PCSK9: variants seen among roughly 807,000 people sequenced by gnomAD.
PCSK9 encodes the protein convertase subtilisin/kexin type 9 preproprotein.
PCSK9 carries 57 observed loss-of-function variants against 62.1 expected under a neutral mutation model. That is an observed-to-expected ratio of 0.92 (90% CI 0.74 to 1.14). The LOEUF (loss-of-function observed/expected upper bound fraction) is 1.14, where lower values mean the gene tolerates loss of function less well. Ranked by LOEUF, PCSK9 falls within the 50% of genes most tolerant of loss-of-function variation. The pLI, the probability that PCSK9 is intolerant of heterozygous loss-of-function variation, is 0.00. For missense variants in PCSK9, 870 were observed against 959.8 expected, an observed-to-expected ratio of 0.91 and a Z score of 1.24; for synonymous variants, 387 against 409.4, an observed-to-expected ratio of 0.95 and a Z score of 0.66.
intron 5 of PCSK9, 107 bp downstream of exon 5, chr1:55,052,898 G>A (rs1644686891): frequency 1.9e-6 from 3 of 1,553,110 alleles, no homozygotes; most frequent in Middle Eastern, 4.1e-4. Flanking sequence ...AGAATGCTGT[G>A]GCAGCCTCTG....
At chr1:55,058,801 G>C (rs1056202475) in intron 9 of PCSK9, among the ~76,000 whole-genome samples, 154 bp downstream of exon 9, 1 of 152,124 alleles carries the variant, frequency 6.6e-6, no homozygotes, top group Non-Finnish European at 1.5e-5. Context: ...GGGCTGGCCA[G>C]ACCAGGAGTG....
At chr1:55,042,193 G>A (rs913066795) in intron 1 of PCSK9, among the ~76,000 whole-genome samples, 2 of 152,038 alleles carry the variant, frequency 1.3e-5, no homozygotes, top group Non-Finnish European at 2.9e-5. Context: ...CAGTGGATCC[G>A]AGGAGGTGAT....
chr1:55,041,037 C>G (rs1644595149), intron 1 of PCSK9, among the ~76,000 whole-genome samples: 1 of 152,232 alleles, frequency 6.6e-6, no homozygotes, highest in Non-Finnish European at 1.5e-5. Flanking sequence ...GTCACTTATC[C>G]TTGAGCCTCC....
At chr1:55,047,229 G>A (rs746870857) in intron 3 of PCSK9, among the ~76,000 whole-genome samples, 1 of 152,200 alleles carries the variant, frequency 6.6e-6, no homozygotes, top group African/African-American at 2.4e-5. Flanking sequence ...CATGGAAAAC[G>A]GTCTGCATTC....
In PCSK9 at chr1:55,047,847, C is replaced by T. The variant is rs1321276251; in HGVS notation, c.523+1201C>T. Reference sequence around the variant, plus strand: ...GAGGACAGCTCCTCTGTAGGAAGAGCCTGTTCCTTTCCAACCAGGTGAGAC... The same window carrying T: ...GAGGACAGCTCCTCTGTAGGAAGAGTCTGTTCCTTTCCAACCAGGTGAGAC... On this transcript the variant is annotated intron_variant, in intron 3 of 11. Coordinates refer to ENST00000302118, the MANE Select transcript of PCSK9 (RefSeq NM_174936.4). Among the ~76,000 whole-genome samples, 4 of 152,146 alleles carry T rather than the reference C, an allele frequency of 2.6e-5. No individual in the cohort carries two copies. In the East Asian group the frequency reaches 7.7e-4, roughly 29 times the overall value.
intron 5 of PCSK9, among the ~76,000 whole-genome samples, chr1:55,055,003 T>C (rs1644702740): frequency 9.6e-6 from 1 of 104,478 alleles, no homozygotes. Context: ...AGACTCCGTC[T>C]GGAAAGAAAA....
rs2100248774 is a variant in PCSK9, at chr1:55,039,609, T to C, written c.-229T>C. On this transcript the variant is annotated 5_prime_UTR_variant, in exon 1 of 12. Coordinates refer to ENST00000302118, the MANE Select transcript of PCSK9 (RefSeq NM_174936.4). ...CGCCGTTCAGTTCAGGGTCTGAGCCTGGAGGAGTGAGCCAGGCAGTGAGAC... is the reference window on the plus strand; with the variant it reads ...CGCCGTTCAGTTCAGGGTCTGAGCCCGGAGGAGTGAGCCAGGCAGTGAGAC... 3.3e-6 allele frequency: 2 copies of C among 609,970 alleles called. No homozygotes were observed. The highest frequency in any genetic ancestry group is 2.8e-5 in the East Asian group (1 of 35,798). The allele number at this position is 609,970 out of a possible 1,614,324, so 37.8% of individuals were successfully genotyped here. A position where few individuals can be genotyped will look rare whatever the true frequency, so the allele number is the denominator to read the frequency against.
chr1:55,050,636 A>G (rs1005253393), intron 3 of PCSK9, among the ~76,000 whole-genome samples: 1 of 151,460 alleles, frequency 6.6e-6, no homozygotes, highest in African/African-American at 2.4e-5. Flanking sequence ...CAGGGTAGAC[A>G]GTGTGTGTGC....
At chr1:55,045,499 C>T (rs1318324469) in intron 2 of PCSK9, among the ~76,000 whole-genome samples, 2 of 152,122 alleles carry the variant, frequency 1.3e-5, no homozygotes, top group African/African-American at 2.4e-5. Flanking sequence ...TCTGGGGATA[C>T]GAAGGCATCC....
intron 5 of PCSK9, among the ~76,000 whole-genome samples, chr1:55,053,343 G>A (rs1035156708): frequency 1.3e-5 from 2 of 152,162 alleles, no homozygotes; most frequent in Non-Finnish European, 2.9e-5. Context: ...CTGGGGGCCG[G>A]TGGACAGAGA....
chr1:55,048,976 A>C (rs1476699954), intron 3 of PCSK9, among the ~76,000 whole-genome samples: 1 of 152,216 alleles, frequency 6.6e-6, no homozygotes, highest in Non-Finnish European at 1.5e-5. Flanking sequence ...TGGGGATACA[A>C]ATGTGAATGA....
chr1:55,057,457 T>G lies in PCSK9; in HGVS notation c.1123T>G (p.Cys375Gly), dbSNP rs1644724189. The change falls in exon 7 of 12, where the codon TGC becomes GGC. Residue 375 changes from cysteine (C) to glycine (G), a missense_variant. By Grantham distance (159) the Cys-to-Gly change is radical. Coordinates refer to ENST00000302118, the MANE Select transcript of PCSK9 (RefSeq NM_174936.4). ...GEDIIGASSD[C>G]STCFVSQSGT... Reference sequence around the variant, plus strand: ...GGACATCATTGGTGCCTCCAGCGACTGCAGCACCTGCTTTGTGTCACAGAG... The same window carrying G: ...GGACATCATTGGTGCCTCCAGCGACGGCAGCACCTGCTTTGTGTCACAGAG... 1 of 1,614,040 alleles carries G rather than the reference T, an allele frequency of 6.2e-7. No homozygotes were observed. The highest frequency in any genetic ancestry group is 8.5e-7 in the Non-Finnish European group (1 of 1,180,008).
Position 55,063,788 on chromosome 1 carries a change from CA to C in PCSK9, c.*205del. 1.6e-6 allele frequency: 1 copy of C among 628,602 alleles called. No individual in the cohort carries two copies. Among genetic ancestry groups the C allele is most frequent in the Non-Finnish European group, 2.7e-6 (1 of 366,142 alleles). 38.9% of individuals were successfully genotyped at this position (628,602 alleles called of 1,614,324 possible). A position where few individuals can be genotyped will look rare whatever the true frequency, so the allele number is the denominator to read the frequency against. ...TCACTCACTCTGGGTGCCTCCTCCC[CA>C]GGTGGAGGTGCCAGGAAGCTCCCTC... On this transcript the variant is annotated 3_prime_UTR_variant, in exon 12 of 12. Transcript: ENST00000302118.
Position 55,052,745 on chromosome 1 carries a change from C to G in PCSK9, c.753C>G (p.Arg251=). 1 of 1,613,206 alleles carries G rather than the reference C, an allele frequency of 6.2e-7. No individual in the cohort carries two copies. The highest frequency in any genetic ancestry group is 1.1e-5 in the South Asian group (1 of 91,090). ...AGGGTGCCAGCATGCGCAGCCTGCG[C>G]GTGCTCAACTGCCAAGGGAAGGGCA... ...VAKGASMRSL[R]VLNCQGKGTV... Residue 251 remains arginine (R), a synonymous_variant, in exon 5 of 12, where the codon CGC becomes CGG. Coordinates refer to ENST00000302118, the MANE Select transcript of PCSK9 (RefSeq NM_174936.4).
At chr1:55,052,842 G>C (rs1644686109) in intron 5 of PCSK9, 51 bp downstream of exon 5, 1 of 1,612,242 alleles carries the variant, frequency 6.2e-7, no homozygotes, top group African/African-American at 1.3e-5. Flanking sequence ...CCTGGCCTGG[G>C]AGGTGGCTTG....
At chr1:55,052,615 G>T (rs1475604213) in intron 4 of PCSK9, 35 bp from the exon 5 acceptor site, 2 of 1,610,912 alleles carry the variant, frequency 1.2e-6, no homozygotes, top group Admixed American at 3.3e-5. Context: ...TGGAGGGGGG[G>T]TCTTTCTCAT....
At position 55,043,782 on chromosome 1, in the gene PCSK9, G is replaced by A. The variant is rs187508037; in HGVS notation, c.208-61G>A. On this transcript the variant is annotated intron_variant, in intron 1 of 11. Transcript: ENST00000302118. ...AATTTGTAAGTAGGGGTGAGATAAAGTACACCTAGGGTTTGCTGGGTTTCT... is the reference window on the plus strand; with the variant it reads ...AATTTGTAAGTAGGGGTGAGATAAAATACACCTAGGGTTTGCTGGGTTTCT... The A allele has an allele frequency of 1.6e-4, 247 of 1,578,202 alleles. 1 individual carries two copies. In the East Asian group the frequency reaches 4.9e-3, roughly 31 times the overall value.
At chr1:55,043,651 T>C (rs995945573) in intron 1 of PCSK9, among the ~76,000 whole-genome samples, 192 bp from the exon 2 acceptor site, 1 of 152,244 alleles carries the variant, frequency 6.6e-6, no homozygotes, top group African/African-American at 2.4e-5. Context: ...TATATAACCA[T>C]GTGAATAATA....
rs1644588227 is a variant in PCSK9, at chr1:55,040,136, G to A, written c.207+92G>A. On this transcript the variant is annotated intron_variant, in intron 1 of 11. Coordinates refer to ENST00000302118, the MANE Select transcript of PCSK9 (RefSeq NM_174936.4). The surrounding 1 kb of genome is among the most constrained non-coding windows in gnomAD (Gnocchi z 4.1). ...CGGGCCTCAGTTTCCCCCCATGTAAGAGAGGAAGTGGAGTGCAGGTCGCCG... is the reference window on the plus strand; with the variant it reads ...CGGGCCTCAGTTTCCCCCCATGTAAAAGAGGAAGTGGAGTGCAGGTCGCCG... 1 of 1,472,194 alleles carries A rather than the reference G, an allele frequency of 6.8e-7. No homozygotes were observed. Among genetic ancestry groups the A allele is most frequent in the South Asian group, 1.2e-5 (1 of 80,110 alleles). The allele number at this position is 1,472,194 out of a possible 1,614,324, so 91.2% of individuals were successfully genotyped here.
Sources: allele counts gnomAD v4.1 joint callset (sites outside exome capture counted in the v4.1 genomes callset), GRCh38; gene constraint gnomAD v4.1.1; non-coding constraint Gnocchi (gnomAD v3.1); transcripts MANE v1.5; gene names NCBI Gene and HGNC (gene_info 2026-07-23, HGNC 2026-07-21).